Variants in MTHFS observed in about 807,000 individuals in gnomAD.
MTHFS encodes methenyltetrahydrofolate synthetase, also known as 5-formyltetrahydrofolate cyclo-ligase.
Under a neutral mutation model 12.7 loss-of-function variants are expected in MTHFS, and 7 were observed. The ratio of observed to expected loss-of-function variants is 0.55; its 90% CI spans 0.31 to 1.03. The LOEUF (loss-of-function observed/expected upper bound fraction) is 1.03. Ranked by LOEUF, MTHFS falls within the 50% of genes least tolerant of loss-of-function variation. The pLI is 0.05. For synonymous variants in MTHFS, 100 were observed against 97.1 expected, an observed-to-expected ratio of 1.03 and a Z score of -0.18; for missense variants, 252 against 258.1, an observed-to-expected ratio of 0.98 and a Z score of 0.16.
chr15:79,884,370 G>A (rs2034347403), intron 2 of MTHFS, among the ~76,000 whole-genome samples: 1 of 152,198 alleles, frequency 6.6e-6, no homozygotes, highest in Non-Finnish European at 1.5e-5. Context: ...TTCATCCAAT[G>A]TCCCTTCTTT....
intron 1 of MTHFS, among the ~76,000 whole-genome samples, chr15:79,895,754 T>C (rs572708059): frequency 4.6e-5 from 7 of 152,342 alleles, no homozygotes; most frequent in African/African-American, 9.6e-5. Flanking sequence ...CTTTAACCCA[T>C]AGGCACCTTG....
chr15:79,859,225 T>C (rs1323300559), intron 2 of MTHFS, among the ~76,000 whole-genome samples: 1 of 152,242 alleles, frequency 6.6e-6, no homozygotes, highest in African/African-American at 2.4e-5. Context: ...CAAAATTCTT[T>C]TACAGTTAAT....
Position 79,889,373 on chromosome 15 carries a change from C to T in MTHFS, c.118-19G>A. On this transcript the variant is annotated intron_variant, in intron 1 of 2. Transcript: ENST00000258874. ...CAATCACCTAAATGGGAAATTATGGCAATTATATTTTCCAAGACTATATTT... is the reference window on the plus strand; with the variant it reads ...CAATCACCTAAATGGGAAATTATGGTAATTATATTTTCCAAGACTATATTT... 6.6e-7 allele frequency: 1 copy of T among 1,525,636 alleles called. No individual in the cohort carries two copies. Among genetic ancestry groups the T allele is most frequent in the Non-Finnish European group, 8.9e-7 (1 of 1,122,676 alleles). The allele number at this position is 1,525,636 out of a possible 1,614,324, so 94.5% of individuals were successfully genotyped here. A position where few individuals can be genotyped will look rare whatever the true frequency, so the allele number is the denominator to read the frequency against.
chr15:79,868,728 G>T (rs1047053246), intron 2 of MTHFS, among the ~76,000 whole-genome samples: 2 of 152,178 alleles, frequency 1.3e-5, no homozygotes, highest in Non-Finnish European at 2.9e-5. Flanking sequence ...TACACCATAG[G>T]CTCCCCTGGT....
At chr15:79,867,493 T>C (rs373425455) in intron 2 of MTHFS, among the ~76,000 whole-genome samples, 3 of 148,906 alleles carry the variant, frequency 2.0e-5, no homozygotes, top group Non-Finnish European at 4.5e-5. Context: ...TATTTTTCTG[T>C]AATCCAGCTA....
chr15:79,873,862 G>A (rs980590361), intron 2 of MTHFS, among the ~76,000 whole-genome samples: 1 of 152,224 alleles, frequency 6.6e-6, no homozygotes, highest in African/African-American at 2.4e-5. Flanking sequence ...CCCAGTTGGT[G>A]TAAGAGCATA....
chr15:79,861,906 C>T (rs191124505), intron 2 of MTHFS, among the ~76,000 whole-genome samples: 2 of 152,184 alleles, frequency 1.3e-5, no homozygotes, highest in East Asian at 1.9e-4. Context: ...GAAGGATACA[C>T]AAGTATGTTA....
rs772103355 is a variant in MTHFS at position 79,889,222 on chromosome 15, G to A, written c.250C>T (p.Arg84Trp). 1.8e-4 allele frequency: 283 copies of A among 1,614,030 alleles called. No individual in the cohort carries two copies. Among genetic ancestry groups the A allele is most frequent in the East Asian group, 4.0e-4 (18 of 44,896 alleles). ...RGKICFIPRY[R>W]FQSNHMDMVR... The stretch of plus-strand genomic sequence containing the variant: ...ATATCCATGTGATTGCTCTGGAACC[G>A]GTACCGAGGGATGAAGCAGATTTTG... Residue 84 changes from arginine to tryptophan, a missense_variant, in exon 2 of 3, where the codon CGG becomes TGG. Coordinates refer to ENST00000258874, the MANE Select transcript of MTHFS (RefSeq NM_006441.4).
intron 2 of MTHFS, among the ~76,000 whole-genome samples, chr15:79,880,742 TG>T (rs1006585742): frequency 1.3e-5 from 2 of 150,008 alleles, no homozygotes; most frequent in Admixed American, 6.7e-5. Context: ...GTAAATGAAA[TG>T]GGGTTCTCTA....
intron 2 of MTHFS, among the ~76,000 whole-genome samples, chr15:79,887,183 C>T (rs1337426963): frequency 6.6e-6 from 1 of 152,152 alleles, no homozygotes; most frequent in Non-Finnish European, 1.5e-5. Flanking sequence ...CGAGATAGCG[C>T]CATTGCACTC....
At chr15:79,849,779 A>T (rs2033680078) in intron 2 of MTHFS, among the ~76,000 whole-genome samples, 3 of 152,272 alleles carry the variant, frequency 2.0e-5, no homozygotes, top group Admixed American at 2.0e-4. Context: ...TCTAGATGTC[A>T]TAAGATTGTT....
intron 2 of MTHFS, among the ~76,000 whole-genome samples, chr15:79,855,860 T>G (rs1169326885): frequency 6.6e-6 from 1 of 152,238 alleles, no homozygotes; most frequent in African/African-American, 2.4e-5. Flanking sequence ...CTCTTTTTTA[T>G]AACTGCATAA....
chr15:79,896,692 G>A, intron 1 of MTHFS, 180 bp downstream of exon 1: 3 of 1,160,298 alleles, frequency 2.6e-6, no homozygotes, highest in South Asian at 1.7e-5. Flanking sequence ...ATAGTGCCAA[G>A]AGCGTCCAGA....
intron 2 of MTHFS, among the ~76,000 whole-genome samples, chr15:79,848,872 A>C (rs1241095911): frequency 6.6e-6 from 1 of 152,164 alleles, no homozygotes; most frequent in Non-Finnish European, 1.5e-5. Flanking sequence ...TTTTAATAGA[A>C]TTTTAGGCCA....
chr15:79,856,475 G>A (rs2033805038), intron 2 of MTHFS, among the ~76,000 whole-genome samples: 1 of 152,072 alleles, frequency 6.6e-6, no homozygotes, highest in Non-Finnish European at 1.5e-5. Context: ...TTATCTGTGT[G>A]ATTCAATCAA....
At chr15:79,854,911 A>G (rs1270872405) in intron 2 of MTHFS, among the ~76,000 whole-genome samples, 1 of 152,228 alleles carries the variant, frequency 6.6e-6, no homozygotes, top group East Asian at 1.9e-4. Flanking sequence ...AGGTTGCTGC[A>G]GACTGAAAAG....
rs1167488601 is a variant in MTHFS, at chr15:79,844,264, T to G, written c.*946A>C. 6.6e-6 allele frequency: 1 copy of G among 152,174 alleles called. No individual in the cohort carries two copies. The highest frequency in any genetic ancestry group is 1.5e-5 in the Non-Finnish European group (1 of 68,040). The allele number at this position is 152,174 out of a possible 1,614,324, so 9.4% of individuals were successfully genotyped here. A position where few individuals can be genotyped will look rare whatever the true frequency, so the allele number is the denominator to read the frequency against. On this transcript the variant is annotated 3_prime_UTR_variant, in exon 3 of 3. Transcript: ENST00000258874. Reference sequence around the variant, plus strand: ...AGATGGAAGCCAAGGGAAGCAGGTGTGACACTCTCGCCTAGTCCAGCTTAG... The same window carrying G: ...AGATGGAAGCCAAGGGAAGCAGGTGGGACACTCTCGCCTAGTCCAGCTTAG...
intron 1 of MTHFS, among the ~76,000 whole-genome samples, chr15:79,891,327 T>C (rs1296390716): frequency 6.6e-6 from 1 of 151,952 alleles, no homozygotes; most frequent in Non-Finnish European, 1.5e-5. Context: ...AAAGTCAAAA[T>C]ACAAAATAGA....
rs576845922 is a variant in MTHFS at position 79,879,185 on chromosome 15, T to G, written c.379+9908A>C. ...AGTGGAATTTTGAAATTCCACTAAA[T>G]GACCAGTACTTCCCAAATTTTTCAC... On this transcript the variant is annotated intron_variant, in intron 2 of 2. Coordinates refer to ENST00000258874, the MANE Select transcript of MTHFS (RefSeq NM_006441.4). Among the ~76,000 whole-genome samples the G allele has an allele frequency of 4.6e-5, 7 of 152,282 alleles. No individual in the cohort carries two copies. The South Asian group carries it at 1.4e-3, about 32-fold the overall frequency.
Sources: allele counts gnomAD v4.1 joint callset (sites outside exome capture counted in the v4.1 genomes callset), GRCh38; gene constraint gnomAD v4.1.1; transcripts MANE v1.5; gene names NCBI Gene and HGNC (gene_info 2026-07-23, HGNC 2026-07-21).